The following PPARGC1A variants were observed in gnomAD, a reference collection of about 807,000 sequenced individuals.
The protein encoded by PPARGC1A is PPARG coactivator 1 alpha.
A neutral mutation model predicts 88.7 loss-of-function variants in PPARGC1A; 25 were observed. The ratio of observed to expected loss-of-function variants is 0.28; its 90% CI spans 0.21 to 0.39. PPARGC1A has a LOEUF of 0.39. PPARGC1A is among the 10% of genes least tolerant of loss of function. PPARGC1A has a pLI of 1.00. For missense variants in PPARGC1A, 880 were observed against 968.7 expected (o/e 0.91, Z 1.22); for synonymous variants, 363 against 355.6 (o/e 1.02, Z -0.24).
At chr4:23,910,310 A>AT in the PPARGC1A span, among the ~76,000 whole-genome samples, 1 of 43,940 alleles carries the variant, frequency 2.3e-5, no homozygotes, top group African/African-American at 2.3e-4. Context: ...AACCCTATAT[A>AT]TAATATTATA....
the PPARGC1A span, among the ~76,000 whole-genome samples, chr4:24,370,014 A>C: frequency 1.3e-5 from 2 of 152,224 alleles, no homozygotes; most frequent in South Asian, 2.1e-4. Context: ...GCTTGGGGAT[A>C]ATAAGCCTCT....
the PPARGC1A span, among the ~76,000 whole-genome samples, chr4:24,106,025 G>A: frequency 3.3e-5 from 5 of 152,314 alleles, no homozygotes; most frequent in African/African-American, 1.2e-4. Context: ...ATGCTACGCA[G>A]TTGAAAAATA....
the PPARGC1A span, among the ~76,000 whole-genome samples, chr4:23,922,983 T>C: frequency 6.6e-6 from 1 of 152,210 alleles, no homozygotes; most frequent in Admixed American, 6.5e-5. Context: ...TTGCATTTTC[T>C]AGTTCTTGAC....
chr4:23,795,313 AT>A lies in PPARGC1A; in HGVS notation c.*508del. The A allele has an allele frequency of 7.1e-6, 1 of 141,190 alleles. No homozygotes were observed. Among genetic ancestry groups the A allele is most frequent in the Non-Finnish European group, 1.5e-5 (1 of 65,964 alleles). 8.7% of individuals were successfully genotyped at this position (141,190 alleles called of 1,614,324 possible). ...AATTTATATATATATATATATATATATATATATATATATATATTTCCTTTTG... is the reference window on the plus strand; with the variant it reads ...AATTTATATATATATATATATATATAATATATATATATATATTTCCTTTTG... On this transcript the variant is annotated 3_prime_UTR_variant, in exon 13 of 13. Transcript: ENST00000264867.
At chr4:24,055,207 G>A in the PPARGC1A span, among the ~76,000 whole-genome samples, 1 of 152,192 alleles carries the variant, frequency 6.6e-6, no homozygotes, top group Non-Finnish European at 1.5e-5. Flanking sequence ...TGTGATTCCA[G>A]AATGTACTCT....
At chr4:24,323,131 A>G in the PPARGC1A span, among the ~76,000 whole-genome samples, 3 of 152,196 alleles carry the variant, frequency 2.0e-5, no homozygotes, top group African/African-American at 7.2e-5. Flanking sequence ...CGGGCCTTAG[A>G]GAAAAACAAA....
chr4:24,122,418 T>TGTGC, the PPARGC1A span, among the ~76,000 whole-genome samples: 5,930 of 95,576 alleles, frequency 0.062, 126 homozygotes, highest in Middle Eastern at 0.12. Context: ...TGTGTGTGCA[T>TGTGC]ATATATATAT....
the PPARGC1A span, among the ~76,000 whole-genome samples, chr4:24,352,433 TAGG>T: frequency 6.6e-6 from 1 of 152,076 alleles, no homozygotes; most frequent in Non-Finnish European, 1.5e-5. Context: ...AAGAGGTAAT[TAGG>T]AGGAGCTAAT....
intron 2 of PPARGC1A, among the ~76,000 whole-genome samples, chr4:23,877,088 C>T (rs975858889): frequency 6.6e-6 from 1 of 152,142 alleles, no homozygotes; most frequent in African/African-American, 2.4e-5. Flanking sequence ...CTTCAAACAA[C>T]TCTGCCATTG....
chr4:23,843,680 C>T (rs1727472106), intron 2 of PPARGC1A, among the ~76,000 whole-genome samples: 1 of 151,846 alleles, frequency 6.6e-6, no homozygotes, highest in Admixed American at 6.6e-5. Flanking sequence ...AAGGATGGTA[C>T]CAAAATTACT....
the PPARGC1A span, among the ~76,000 whole-genome samples, chr4:24,419,880 C>T: frequency 6.6e-6 from 1 of 152,226 alleles, no homozygotes; most frequent in Non-Finnish European, 1.5e-5. Flanking sequence ...TACAAACTCA[C>T]AAACTAGCAC....
At chr4:24,216,571 T>G in the PPARGC1A span, among the ~76,000 whole-genome samples, 1 of 152,228 alleles carries the variant, frequency 6.6e-6, no homozygotes, top group African/African-American at 2.4e-5. Context: ...AGACTTTTTT[T>G]GCCCTTCAGT....
At chr4:24,147,819 C>A in the PPARGC1A span, among the ~76,000 whole-genome samples, 1 of 152,142 alleles carries the variant, frequency 6.6e-6, no homozygotes. Context: ...TGGTGTGCAC[C>A]TGTAGTCCCA....
chr4:24,041,587 T>C, the PPARGC1A span, among the ~76,000 whole-genome samples: 1 of 152,206 alleles, frequency 6.6e-6, no homozygotes, highest in Non-Finnish European at 1.5e-5. Flanking sequence ...TATGTCTACC[T>C]TCTATTAACC....
At chr4:24,385,358 C>T in the PPARGC1A span, among the ~76,000 whole-genome samples, 1 of 152,042 alleles carries the variant, frequency 6.6e-6, no homozygotes, top group African/African-American at 2.4e-5. Context: ...CAAACAAATT[C>T]AAAAGCTAGC....
At chr4:24,214,401 G>T in the PPARGC1A span, among the ~76,000 whole-genome samples, 1 of 152,150 alleles carries the variant, frequency 6.6e-6, no homozygotes, top group Non-Finnish European at 1.5e-5. Context: ...CACATGCCTC[G>T]AAAACTGTGC....
At chr4:23,847,391 C>T (rs547919988) in intron 2 of PPARGC1A, among the ~76,000 whole-genome samples, 5 of 152,276 alleles carry the variant, frequency 3.3e-5, no homozygotes, top group African/African-American at 1.2e-4. Context: ...CAGTTCTCTC[C>T]TCCATTACCA....
chr4:23,944,647 G>C, the PPARGC1A span, among the ~76,000 whole-genome samples: 2 of 152,146 alleles, frequency 1.3e-5, no homozygotes. Context: ...TGAGGCACCT[G>C]GTGGGAGGTA....
chr4:24,346,291 T>C, the PPARGC1A span, among the ~76,000 whole-genome samples: 2 of 152,186 alleles, frequency 1.3e-5, no homozygotes, highest in African/African-American at 4.8e-5. Context: ...AATGCTGGCT[T>C]CATAGAATGA....
Sources: gnomAD v4.1 joint callset for allele counts (sites outside exome capture counted in the v4.1 genomes callset) on GRCh38, gnomAD v4.1.1 for gene constraint, MANE v1.5 for transcripts, NCBI Gene and HGNC (gene_info 2026-07-23, HGNC 2026-07-21) for gene names.